NRG1: variants seen among roughly 807,000 people sequenced by gnomAD.
NRG1 encodes pro-neuregulin-1, membrane-bound isoform.
Under a neutral mutation model 63.8 loss-of-function variants are expected in NRG1, and 18 were observed. That is an observed-to-expected ratio of 0.28 (90% CI 0.19 to 0.42). NRG1 has a LOEUF of 0.42. Among genes scored for constraint, NRG1 ranks in the 10% least tolerant of loss-of-function variants. The pLI, the probability that NRG1 is intolerant of heterozygous loss-of-function variation, is 1.00. For missense variants in NRG1, 762 were observed against 814.7 expected (o/e 0.94, Z 0.79); for synonymous variants, 302 against 301.3 (o/e 1.00, Z -0.02).
intron 5 of NRG1, among the ~76,000 whole-genome samples, chr8:32,683,246 G>T (rs1015470584): frequency 6.6e-6 from 1 of 152,170 alleles, no homozygotes; most frequent in African/African-American, 2.4e-5. Context: ...TATGTCAGTT[G>T]ACAGTATTCA....
intron 1 of NRG1, among the ~76,000 whole-genome samples, chr8:32,068,914 A>G (rs906569765): frequency 6.6e-6 from 1 of 152,170 alleles, no homozygotes; most frequent in East Asian, 1.9e-4. Flanking sequence ...TCTGATGAAG[A>G]TGTAGGGTGA....
intron 1 of NRG1, among the ~76,000 whole-genome samples, chr8:32,233,565 T>TTA (rs1214585815): frequency 5.1e-5 from 1 of 19,592 alleles, no homozygotes; most frequent in Non-Finnish European, 1.1e-4. Context: ...ATATATATAT[T>TTA]TTTTTTTTTT....
At chr8:32,750,050 A>G (rs930822490) in intron 7 of NRG1, 1 of 169,236 alleles carries the variant, frequency 5.9e-6, no homozygotes, top group African/African-American at 2.4e-5. Flanking sequence ...CATCTATTTA[A>G]TATAAGCAAT....
intron 1 of NRG1, among the ~76,000 whole-genome samples, chr8:32,044,913 C>CAAAAAAAAAA: frequency 1.6e-3 from 90 of 57,098 alleles, no homozygotes; most frequent in East Asian, 2.1e-3. Flanking sequence ...TAAAGAAAAG[C>CAAAAAAAAAA]AAAAAAAAAA....
At chr8:32,594,882 G>C (rs1448085325) in intron 1 of NRG1, among the ~76,000 whole-genome samples, 3 of 152,186 alleles carry the variant, frequency 2.0e-5, no homozygotes, top group Non-Finnish European at 2.9e-5. Context: ...CAGTCAAAGA[G>C]TGATAGCATC....
chr8:32,717,850 A>G (rs1257619297), intron 5 of NRG1, among the ~76,000 whole-genome samples: 1 of 152,200 alleles, frequency 6.6e-6, no homozygotes, highest in African/African-American at 2.4e-5. Context: ...CACTTGGAAG[A>G]TTGTGTCTAA....
intron 1 of NRG1, among the ~76,000 whole-genome samples, chr8:31,837,793 T>C (rs1314645203): frequency 6.6e-6 from 1 of 152,134 alleles, no homozygotes; most frequent in Non-Finnish European, 1.5e-5. Flanking sequence ...CTCATTCACA[T>C]TGTTGCAAAT....
chr8:32,567,620 C>A (rs772060712), intron 1 of NRG1, among the ~76,000 whole-genome samples: 1 of 152,132 alleles, frequency 6.6e-6, no homozygotes, highest in Non-Finnish European at 1.5e-5. Flanking sequence ...TTGTCTGGGA[C>A]GTAAAAACTT....
intron 1 of NRG1, among the ~76,000 whole-genome samples, chr8:32,076,001 AT>A (rs761707803): frequency 1.3e-5 from 2 of 152,124 alleles, no homozygotes; most frequent in Non-Finnish European, 2.9e-5. Context: ...TTTTTCCAAT[AT>A]TTTTGATCTA....
intron 1 of NRG1, among the ~76,000 whole-genome samples, chr8:32,497,648 G>A (rs1190780905): frequency 2.0e-5 from 3 of 152,234 alleles, no homozygotes; most frequent in Non-Finnish European, 4.4e-5. Context: ...CATCAAAGCT[G>A]CCACTGTGCA....
At chr8:32,292,814 G>A (rs1271768605) in intron 1 of NRG1, among the ~76,000 whole-genome samples, 1 of 152,036 alleles carries the variant, frequency 6.6e-6, no homozygotes, top group African/African-American at 2.4e-5. Context: ...AGTGTAAAAG[G>A]CTAAAAATGG....
At chr8:32,344,419 ATGTGTGTGTGTG>A (rs397956518) in intron 1 of NRG1, among the ~76,000 whole-genome samples, 18 of 57,390 alleles carry the variant, frequency 3.1e-4, no homozygotes, top group East Asian at 1.1e-3. Flanking sequence ...GCGTGCATGC[ATGTGTGTGTGTG>A]TGTGTGTGTG....
At chr8:32,192,911 A>C (rs777610650) in intron 1 of NRG1, among the ~76,000 whole-genome samples, 1 of 150,782 alleles carries the variant, frequency 6.6e-6, no homozygotes, top group Non-Finnish European at 1.5e-5. Flanking sequence ...ACCTTACTCT[A>C]TTTTTTTTTC....
chr8:32,463,904 TTTTTTTTTTGG>T (rs1822688188), intron 1 of NRG1, among the ~76,000 whole-genome samples: 1 of 78,442 alleles, frequency 1.3e-5, no homozygotes, highest in African/African-American at 4.6e-5. Flanking sequence ...TTTTTTTTTT[TTTTTTTTTTGG>T]GGGAGGGTCT....
intron 1 of NRG1, among the ~76,000 whole-genome samples, chr8:31,712,637 CT>C (rs1279845410): frequency 6.6e-6 from 1 of 152,116 alleles, no homozygotes; most frequent in East Asian, 1.9e-4. Flanking sequence ...TTTGGTTAGA[CT>C]TTTCATTCTG....
intron 1 of NRG1, among the ~76,000 whole-genome samples, chr8:32,550,929 T>C (rs1833985087): frequency 6.6e-6 from 1 of 152,212 alleles, no homozygotes; most frequent in African/African-American, 2.4e-5. Context: ...GGAGGGACTT[T>C]TTACCCCCTT....
upstream of NRG1, among the ~76,000 whole-genome samples, chr8:32,547,173 C>G (rs759186096): frequency 1.3e-5 from 2 of 152,162 alleles, no homozygotes; most frequent in Non-Finnish European, 2.9e-5. Context: ...TGGATCCTTC[C>G]GTGGTGCCCG....
rs533877099 is a variant in NRG1, at chr8:32,137,593, C to T, written c.38-458235C>T. Among the ~76,000 whole-genome samples the T allele has an allele frequency of 5.9e-5, 9 of 152,246 alleles. No homozygotes were observed. The South Asian group carries it at 6.2e-4, about 11-fold the overall frequency. On this transcript the variant is annotated intron_variant, in intron 1 of 10. Transcript: ENST00000519301. Reference sequence around the variant, plus strand: ...GTGTCGTGAGATTCCAAGTATTTGACGATCTGCTTCTTCTATAGACAGTTG... The same window carrying T: ...GTGTCGTGAGATTCCAAGTATTTGATGATCTGCTTCTTCTATAGACAGTTG...
At chr8:32,087,989 A>G (rs888867094) in intron 1 of NRG1, among the ~76,000 whole-genome samples, 1 of 152,094 alleles carries the variant, frequency 6.6e-6, no homozygotes, top group Non-Finnish European at 1.5e-5. Flanking sequence ...GGCCTTGACT[A>G]TGGCCATTTC....
Sources: allele counts gnomAD v4.1 joint callset (sites outside exome capture counted in the v4.1 genomes callset), GRCh38; gene constraint gnomAD v4.1.1; transcripts MANE v1.5; gene names NCBI Gene and HGNC (gene_info 2026-07-23, HGNC 2026-07-21).